Variants in DYNC1I1 observed in about 807,000 individuals in gnomAD.
DYNC1I1 encodes dynein cytoplasmic 1 intermediate chain 1.
In DYNC1I1, 43 loss-of-function variants were observed where a neutral mutation model predicts 86.6. That is an observed-to-expected ratio of 0.50 (90% CI 0.39 to 0.64). DYNC1I1 has a LOEUF of 0.64. DYNC1I1 is among the 30% of genes least tolerant of loss of function. The pLI, the probability that DYNC1I1 is intolerant of heterozygous loss-of-function variation, is 0.00. For missense variants in DYNC1I1, 604 were observed against 788.8 expected (o/e 0.77, Z 2.81); for synonymous variants, 262 against 283.7 (o/e 0.92, Z 0.77).
intron 1 of DYNC1I1, among the ~76,000 whole-genome samples, chr7:95,783,941 A>G (rs7798936): frequency 0.44 from 66,154 of 152,028 alleles, 15,613 homozygotes; most frequent in Middle Eastern, 0.7. Flanking sequence ...AATAAATCCC[A>G]CTTAATTTTC....
intron 5 of DYNC1I1, among the ~76,000 whole-genome samples, chr7:95,845,273 G>A (rs1789395317): frequency 6.6e-6 from 1 of 152,186 alleles, no homozygotes; most frequent in Non-Finnish European, 1.5e-5. Context: ...ACTCTGTCAA[G>A]AATAGAAGTA....
At chr7:95,874,714 A>C (rs1790262500) in intron 6 of DYNC1I1, among the ~76,000 whole-genome samples, 1 of 152,218 alleles carries the variant, frequency 6.6e-6, no homozygotes, top group African/African-American at 2.4e-5. Context: ...ATGTGAGGAC[A>C]CAGCAAGAAG....
At chr7:95,778,820 C>T (rs1793911552) in intron 1 of DYNC1I1, among the ~76,000 whole-genome samples, 4 of 151,960 alleles carry the variant, frequency 2.6e-5, no homozygotes, top group Admixed American at 2.6e-4. Context: ...CCCACCACAC[C>T]AGCTGGTTAA....
At chr7:95,811,859 T>C (rs1794838575) in intron 3 of DYNC1I1, among the ~76,000 whole-genome samples, 1 of 152,148 alleles carries the variant, frequency 6.6e-6, no homozygotes. Flanking sequence ...CAAAATAGCC[T>C]TTGAAATTAT....
At chr7:95,866,453 G>C (rs1790020837) in intron 5 of DYNC1I1, among the ~76,000 whole-genome samples, 1 of 152,074 alleles carries the variant, frequency 6.6e-6, no homozygotes, top group Non-Finnish European at 1.5e-5. Flanking sequence ...CATGGCCCTG[G>C]GACTTACTCT....
intron 1 of DYNC1I1, among the ~76,000 whole-genome samples, chr7:95,789,728 G>C (rs1355329445): frequency 2.0e-5 from 3 of 152,048 alleles, no homozygotes; most frequent in African/African-American, 4.8e-5. Flanking sequence ...ATGATCTGTG[G>C]GTGTCATGAC....
intron 4 of DYNC1I1, among the ~76,000 whole-genome samples, chr7:95,826,721 A>G (rs950960955): frequency 1.3e-4 from 20 of 152,214 alleles, no homozygotes; most frequent in African/African-American, 4.8e-4. Flanking sequence ...GTGATAAGGA[A>G]GTGCTACCTG....
At chr7:95,922,097 G>A (rs1483682894) in intron 6 of DYNC1I1, among the ~76,000 whole-genome samples, 58 of 151,960 alleles carry the variant, frequency 3.8e-4, no homozygotes, top group Non-Finnish European at 1.5e-5. Flanking sequence ...ATATGAAACT[G>A]GAATTTCAAT....
intron 16 of DYNC1I1, among the ~76,000 whole-genome samples, chr7:96,089,401 T>C (rs1790773797): frequency 6.6e-6 from 1 of 152,084 alleles, no homozygotes; most frequent in South Asian, 2.1e-4. Flanking sequence ...ATGTGAAAAT[T>C]TGAGGAAAAA....
chr7:96,009,192 T>G (rs1476229685), intron 10 of DYNC1I1, among the ~76,000 whole-genome samples: 2 of 152,134 alleles, frequency 1.3e-5, no homozygotes, highest in Non-Finnish European at 2.9e-5. Context: ...GTCTTCACAT[T>G]CTCCCACTTT....
chr7:95,880,696 A>T (rs1441318916), intron 6 of DYNC1I1, among the ~76,000 whole-genome samples: 1 of 134,524 alleles, frequency 7.4e-6, no homozygotes, highest in East Asian at 2.2e-4. Context: ...CCCAGGCTGG[A>T]GTACAGTGAC....
intron 1 of DYNC1I1, among the ~76,000 whole-genome samples, chr7:95,801,455 A>G (rs551393963): frequency 2.0e-5 from 3 of 152,290 alleles, no homozygotes; most frequent in South Asian, 2.1e-4. Context: ...TTCTTATATT[A>G]TGGTTTCCTC....
At chr7:96,051,857 T>G (rs1009603850) in intron 14 of DYNC1I1, among the ~76,000 whole-genome samples, 8 of 152,214 alleles carry the variant, frequency 5.3e-5, no homozygotes, top group African/African-American at 1.9e-4. Flanking sequence ...CATTTTTTCC[T>G]GAGGAAGAAC....
chr7:96,088,590 C>G (rs1339493336), intron 16 of DYNC1I1, among the ~76,000 whole-genome samples: 1 of 152,086 alleles, frequency 6.6e-6, no homozygotes, highest in African/African-American at 2.4e-5. Context: ...AGAGCAGTAG[C>G]CTCAAATCAC....
intron 14 of DYNC1I1, among the ~76,000 whole-genome samples, chr7:96,043,167 C>CAAA (rs111888029): frequency 6.3e-5 from 4 of 63,458 alleles, no homozygotes; most frequent in African/African-American, 9.9e-5. Flanking sequence ...GACTCCATCT[C>CAAA]AAAAAAAAAA....
chr7:95,867,085 C>G (rs149749677), intron 5 of DYNC1I1, among the ~76,000 whole-genome samples: 10 of 152,312 alleles, frequency 6.6e-5, no homozygotes, highest in Non-Finnish European at 1.3e-4. Flanking sequence ...CTCTCCCAAG[C>G]AGCCACATCC....
At chr7:95,869,763 T>A in intron 5 of DYNC1I1, 120 bp from the exon 6 acceptor site, 1 of 980,920 alleles carries the variant, frequency 1.0e-6, no homozygotes, top group Non-Finnish European at 1.6e-6. Context: ...ACCCTGCCCC[T>A]TGCACTCAGA....
intron 6 of DYNC1I1, among the ~76,000 whole-genome samples, chr7:95,959,120 A>G (rs1439373865): frequency 6.6e-6 from 1 of 152,168 alleles, no homozygotes; most frequent in East Asian, 1.9e-4. Context: ...GTGGGTACCA[A>G]GGCTCAGAGG....
chr7:96,032,742 A>T lies in DYNC1I1; in HGVS notation c.1192A>T (p.Met398Leu). 6.2e-7 allele frequency: 1 copy of T among 1,613,690 alleles called. No individual in the cohort carries two copies. Among genetic ancestry groups the T allele is most frequent in the Non-Finnish European group, 8.5e-7 (1 of 1,179,718 alleles). The part of the protein sequence containing the change: ...NLITVSTDGK[M>L]CSWSLDMLST... Reference sequence around the variant, plus strand: ...CATCACTGTCTCCACTGATGGCAAAATGTGTTCCTGGAGCCTGGACATGCT... The same window carrying T: ...CATCACTGTCTCCACTGATGGCAAATTGTGTTCCTGGAGCCTGGACATGCT... Residue 398 changes from methionine to leucine, a missense_variant, in exon 12 of 17, where the codon ATG becomes TTG. Met to Leu is a conservative substitution (Grantham distance 15). Coordinates refer to ENST00000447467, the MANE Select transcript of DYNC1I1 (RefSeq NM_001135556.2).
Sources: allele counts gnomAD v4.1 joint callset (sites outside exome capture counted in the v4.1 genomes callset), GRCh38; gene constraint gnomAD v4.1.1; transcripts MANE v1.5; gene names NCBI Gene and HGNC (gene_info 2026-07-23, HGNC 2026-07-21).